Variants in TRPC7 observed in about 807,000 individuals in gnomAD.
TRPC7 encodes transient receptor potential cation channel subfamily C member 7, also known as short transient receptor potential channel 7.
A neutral mutation model predicts 90.1 loss-of-function variants in TRPC7; 42 were observed. That is an observed-to-expected ratio of 0.47 (90% CI 0.36 to 0.60). The LOEUF (loss-of-function observed/expected upper bound fraction) is 0.60. Ranked by LOEUF, TRPC7 falls within the 20% of genes least tolerant of loss-of-function variation. The probability of loss-of-function intolerance (pLI) is 0.00; values close to 1 mark genes in which losing one functional copy is unlikely to be tolerated. For synonymous variants in TRPC7, 451 were observed against 436.3 expected, an observed-to-expected ratio of 1.03 and a Z score of -0.42; for missense variants, 955 against 1,112.3, an observed-to-expected ratio of 0.86 and a Z score of 2.01.
At chr5:136,225,964 C>T (rs755434913) in intron 9 of TRPC7, 70 bp downstream of exon 9, 16 of 1,377,358 alleles carry the variant, frequency 1.2e-5, no homozygotes, top group Non-Finnish European at 1.6e-5. Flanking sequence ...CCATATGACT[C>T]AAACACACTC....
chr5:136,228,463 A>G (rs1283681052), intron 8 of TRPC7, among the ~76,000 whole-genome samples: 5 of 146,078 alleles, frequency 3.4e-5, no homozygotes, highest in Non-Finnish European at 6.0e-5. Flanking sequence ...AGATCAAGTG[A>G]CTTATTTAAA....
At chr5:136,243,972 C>A (rs956232829) in intron 7 of TRPC7, among the ~76,000 whole-genome samples, 1 of 152,018 alleles carries the variant, frequency 6.6e-6, no homozygotes, top group Non-Finnish European at 1.5e-5. Flanking sequence ...TCTAGGAAAT[C>A]TTCATTCAGT....
intron 3 of TRPC7, among the ~76,000 whole-genome samples, chr5:136,302,552 C>T (rs1370805787): frequency 5.9e-5 from 9 of 152,122 alleles, no homozygotes; most frequent in African/African-American, 1.9e-4. Flanking sequence ...GCCTCCTTCA[C>T]TATGGGCAAC....
chr5:136,323,643 A>G (rs1205170251), intron 2 of TRPC7, among the ~76,000 whole-genome samples: 1 of 152,212 alleles, frequency 6.6e-6, no homozygotes, highest in Non-Finnish European at 1.5e-5. Context: ...ATCATTGACC[A>G]CATTTGTATG....
Position 136,294,385 on chromosome 5 carries a change from A to G in TRPC7, c.964-19548T>C, listed in dbSNP as rs114901173. ...GAATGGGAGAAATTTCTTGCAACCT[A>G]CTCATCTGACAAATGGTTAATATCC... On this transcript the variant is annotated intron_variant, in intron 3 of 11. Coordinates refer to ENST00000513104, the MANE Select transcript of TRPC7 (RefSeq NM_020389.3). 1.8e-3 allele frequency among the ~76,000 whole-genome samples: 268 copies of G among 152,300 alleles called. 2 individuals carry two copies. The highest frequency in any genetic ancestry group is 6.2e-3 in the African/African-American group (258 of 41,540).
At chr5:136,338,165 G>A (rs1025667467) in intron 2 of TRPC7, among the ~76,000 whole-genome samples, 4 of 152,042 alleles carry the variant, frequency 2.6e-5, no homozygotes, top group Admixed American at 6.6e-5. Context: ...AAAACAGGAC[G>A]TTATTGTAAA....
intron 2 of TRPC7, among the ~76,000 whole-genome samples, chr5:136,342,761 G>A (rs913833863): frequency 3.3e-5 from 5 of 152,184 alleles, no homozygotes; most frequent in African/African-American, 7.2e-5. Context: ...GAGAAAAGCA[G>A]GATTCCAAAT....
chr5:136,255,886 C>A (rs1756672455), intron 5 of TRPC7, among the ~76,000 whole-genome samples: 1 of 152,158 alleles, frequency 6.6e-6, no homozygotes, highest in Non-Finnish European at 1.5e-5. Context: ...CCCTAGAGTT[C>A]ATGTTCTTGA....
intron 10 of TRPC7, among the ~76,000 whole-genome samples, chr5:136,219,558 G>C (rs571184281): frequency 6.6e-6 from 1 of 152,302 alleles, no homozygotes; most frequent in South Asian, 2.1e-4. Flanking sequence ...TTGAAGCCAG[G>C]AGTTGGAGAC....
intron 1 of TRPC7, among the ~76,000 whole-genome samples, chr5:136,362,703 C>T (rs573431252): frequency 6.6e-6 from 1 of 152,212 alleles, no homozygotes; most frequent in South Asian, 2.1e-4. Context: ...AAAGTTTGTG[C>T]TTTTGGCTAG....
intron 10 of TRPC7, among the ~76,000 whole-genome samples, chr5:136,223,617 C>A (rs1037784581): frequency 4.7e-5 from 7 of 149,724 alleles, no homozygotes; most frequent in African/African-American, 1.5e-4. Flanking sequence ...TGTCTAAAAT[C>A]AATAAATAAA....
At chr5:136,277,592 C>CA (rs1757407361) in intron 3 of TRPC7, among the ~76,000 whole-genome samples, 1 of 152,204 alleles carries the variant, frequency 6.6e-6, no homozygotes, top group South Asian at 2.1e-4. Context: ...CAACAGGACA[C>CA]AAAGAAAACT....
At chr5:136,225,929 C>G in intron 9 of TRPC7, 105 bp downstream of exon 9, 1 of 952,230 alleles carries the variant, frequency 1.1e-6, no homozygotes, top group Non-Finnish European at 1.6e-6. Flanking sequence ...TCCTGGCTCC[C>G]CTTGCATGGG....
intron 7 of TRPC7, among the ~76,000 whole-genome samples, chr5:136,231,810 G>A (rs946745446): frequency 3.3e-5 from 5 of 152,060 alleles, no homozygotes; most frequent in African/African-American, 7.2e-5. Context: ...CCACTATGTC[G>A]CCCAGGCTGG....
intron 1 of TRPC7, 88 bp downstream of exon 1, chr5:136,365,165 A>T: frequency 7.1e-7 from 1 of 1,413,722 alleles, no homozygotes; most frequent in Non-Finnish European, 9.7e-7. Context: ...GAAGGCTGAT[A>T]AATGAAAGTT....
At position 136,274,742 on chromosome 5, in the gene TRPC7, C is replaced by G. The variant is rs2149815446; in HGVS notation, c.1059G>C (p.Leu353=). ...GGCCTATGGAGACTCCAAAGACAGCCAGGAATTTCACAGCGATAGACTGTT... is the reference window on the plus strand; with the variant it reads ...GGCCTATGGAGACTCCAAAGACAGCGAGGAATTTCACAGCGATAGACTGTT... ...LRQQSIAVKF[L]AVFGVSIGLP... Residue 353 remains leucine (L), a synonymous_variant, in exon 4 of 12, where the codon CTG becomes CTC. Coordinates refer to ENST00000513104, the MANE Select transcript of TRPC7 (RefSeq NM_020389.3). 1 of 1,612,426 alleles carries G rather than the reference C, an allele frequency of 6.2e-7. No homozygotes were observed. Among genetic ancestry groups the G allele is most frequent in the Non-Finnish European group, 8.5e-7 (1 of 1,179,358 alleles).
At chr5:136,351,051 T>C (rs1347877683) in intron 2 of TRPC7, among the ~76,000 whole-genome samples, 2 of 152,240 alleles carry the variant, frequency 1.3e-5, no homozygotes, top group East Asian at 3.8e-4. Context: ...TTCCAGAGAA[T>C]TTATAATACC....
At chr5:136,295,154 G>C (rs988027211) in intron 3 of TRPC7, among the ~76,000 whole-genome samples, 1 of 151,968 alleles carries the variant, frequency 6.6e-6, no homozygotes, top group Non-Finnish European at 1.5e-5. Context: ...GGGGGGAGTG[G>C]GGAGGGATAG....
chr5:136,284,669 A>G (rs963916553), intron 3 of TRPC7, among the ~76,000 whole-genome samples: 1 of 152,180 alleles, frequency 6.6e-6, no homozygotes, highest in Non-Finnish European at 1.5e-5. Context: ...ACAGGAGTTG[A>G]CCAGGGGTGT....
Sources: allele counts gnomAD v4.1 joint callset (sites outside exome capture counted in the v4.1 genomes callset), GRCh38; gene constraint gnomAD v4.1.1; transcripts MANE v1.5; gene names NCBI Gene and HGNC (gene_info 2026-07-23, HGNC 2026-07-21).